Variants in STK31 observed in about 807,000 individuals in gnomAD.
The protein encoded by STK31 is serine/threonine-protein kinase 31.
In STK31, 89 loss-of-function variants were observed where a neutral mutation model predicts 129.7. That is an observed-to-expected ratio of 0.69 (90% confidence interval 0.58 to 0.82). The LOEUF is 0.82. STK31 is among the 40% of genes least tolerant of loss of function. The pLI, the probability that STK31 is intolerant of heterozygous loss-of-function variation, is 0.00. For missense variants in STK31, 1,187 were observed against 1,176.4 expected (o/e 1.01, Z -0.13); for synonymous variants, 448 against 395.3 (o/e 1.13, Z -1.58).
At chr7:23,781,919 T>A (rs1790953677) in intron 16 of STK31, among the ~76,000 whole-genome samples, 1 of 152,176 alleles carries the variant, frequency 6.6e-6, no homozygotes, top group Non-Finnish European at 1.5e-5. Context: ...ACCTTTTCCT[T>A]ACATCAACGT....
At chr7:23,741,985 A>T (rs1414449791) in intron 8 of STK31, among the ~76,000 whole-genome samples, 1 of 152,236 alleles carries the variant, frequency 6.6e-6, no homozygotes, top group African/African-American at 2.4e-5. Context: ...CTGGGGCACC[A>T]CCCTGGTGAA....
intron 8 of STK31, among the ~76,000 whole-genome samples, chr7:23,740,187 C>T (rs1191631636): frequency 1.3e-5 from 2 of 152,110 alleles, no homozygotes; most frequent in Non-Finnish European, 2.9e-5. Flanking sequence ...AGCAATCCTT[C>T]CTCTTTTGGC....
At chr7:23,786,024 T>G (rs1027772657) in intron 18 of STK31, among the ~76,000 whole-genome samples, 1 of 152,034 alleles carries the variant, frequency 6.6e-6, no homozygotes, top group Admixed American at 6.6e-5. Context: ...AGTCATTAAA[T>G]AAAGCTTTGT....
intron 8 of STK31, among the ~76,000 whole-genome samples, chr7:23,738,521 C>T (rs926922370): frequency 6.6e-5 from 10 of 152,126 alleles, no homozygotes; most frequent in South Asian, 2.1e-4. Context: ...CTGCCTAGCT[C>T]GGACTATAGG....
Position 23,832,216 on chromosome 7 carries a change from A to C in STK31, c.2910A>C (p.Glu970Asp). The change falls in exon 24 of 24, where the codon GAA (glutamate) becomes GAC (aspartate). Residue 970 changes from glutamate to aspartate, a missense_variant. Around this residue, in one of 5 missense-constraint regions of STK31, gnomAD observed 975 missense variants for 934.9 expected, o/e 1.04. Transcript: ENST00000355870. The stretch of plus-strand genomic sequence containing the variant: ...CTGCTGAACAAGTTTTAAATGCTGA[A>C]TGTTTCTTGATGCCAAAGGAGCAAT... Reference protein sequence around the residue: ...SMTAEQVLNAECFLMPKEQSV... With the variant: ...SMTAEQVLNADCFLMPKEQSV... 1 of 1,614,126 alleles carries C rather than the reference A, an allele frequency of 6.2e-7. No homozygotes were observed. The highest frequency in any genetic ancestry group is 8.5e-7 in the Non-Finnish European group (1 of 1,180,008).
chr7:23,738,736 A>G (rs929699938), intron 8 of STK31, among the ~76,000 whole-genome samples: 1 of 151,996 alleles, frequency 6.6e-6, no homozygotes, highest in Non-Finnish European at 1.5e-5. Flanking sequence ...TTGTATTTTT[A>G]GTAGAGACGG....
intron 21 of STK31, 26 bp downstream of exon 21, chr7:23,788,155 G>C (rs376772220): frequency 1.3e-6 from 2 of 1,575,966 alleles, no homozygotes; most frequent in Non-Finnish European, 1.7e-6. Context: ...TTTACAAATA[G>C]GTTCTAGACT....
At chr7:23,802,365 C>T (rs969729465) in intron 22 of STK31, among the ~76,000 whole-genome samples, 15 of 152,244 alleles carry the variant, frequency 9.9e-5, no homozygotes, top group Admixed American at 5.9e-4. Context: ...CCAGATGGTT[C>T]GTAATTGGGG....
intron 3 of STK31, among the ~76,000 whole-genome samples, chr7:23,712,837 G>C (rs915877517): frequency 6.6e-6 from 1 of 152,066 alleles, no homozygotes; most frequent in African/African-American, 2.4e-5. Flanking sequence ...AATTTAAGAA[G>C]GTAAATTCCT....
At chr7:23,797,462 C>A (rs931953181) in intron 22 of STK31, among the ~76,000 whole-genome samples, 1 of 152,164 alleles carries the variant, frequency 6.6e-6, no homozygotes, top group Non-Finnish European at 1.5e-5. Flanking sequence ...GAAACTAACT[C>A]AAAACTGCAC....
intron 11 of STK31, among the ~76,000 whole-genome samples, chr7:23,766,602 C>A (rs1406145729): frequency 6.6e-6 from 1 of 152,100 alleles, no homozygotes; most frequent in African/African-American, 2.4e-5. Context: ...CTTCTGTGAT[C>A]TTTTTTCCCT....
At position 23,791,040 on chromosome 7, in the gene STK31, C is replaced by T. The variant is rs537564291; in HGVS notation, c.2760+94C>T. Reference sequence around the variant, plus strand: ...AGTGATTCTCCTTAAAAATAAAAAGCAGCAGACTTTTAGTAGAACTTTAAG... The same window carrying T: ...AGTGATTCTCCTTAAAAATAAAAAGTAGCAGACTTTTAGTAGAACTTTAAG... On this transcript the variant is annotated intron_variant, in intron 22 of 23. Transcript: ENST00000355870. The T allele has an allele frequency of 5.3e-6, 6 of 1,142,712 alleles. No individual in the cohort carries two copies. In the East Asian group the frequency reaches 1.6e-4, roughly 30 times the overall value. 70.8% of individuals were successfully genotyped at this position (1,142,712 alleles called of 1,614,324 possible).
intron 22 of STK31, among the ~76,000 whole-genome samples, chr7:23,807,022 C>G (rs975509174): frequency 6.6e-6 from 1 of 151,942 alleles, no homozygotes; most frequent in Non-Finnish European, 1.5e-5. Context: ...GAGAGCCAAT[C>G]AAGAACCTTA....
chr7:23,788,332 G>A (rs998336193), intron 21 of STK31, among the ~76,000 whole-genome samples: 2 of 151,984 alleles, frequency 1.3e-5, no homozygotes, highest in Non-Finnish European at 2.9e-5. Flanking sequence ...TAAGTCTTAG[G>A]AGCTACCTGA....
chr7:23,735,872 C>G lies in STK31; in HGVS notation c.818C>G (p.Ala273Gly). 6.3e-7 allele frequency: 1 copy of G among 1,587,558 alleles called. No homozygotes were observed. The highest frequency in any genetic ancestry group is 8.6e-7 in the Non-Finnish European group (1 of 1,166,706). Reference sequence around the variant, plus strand: ...CTTGACTTGAAGGATGAAAATGATGCAGGCAATCTTATAACATTTCCAAAG... The same window carrying G: ...CTTGACTTGAAGGATGAAAATGATGGAGGCAATCTTATAACATTTCCAAAG... ...MTLDLKDEND[A>G]GNLITFPKES... is the part of the protein sequence containing the mutation. Residue 273 changes from alanine to glycine, a missense_variant, in exon 7 of 24, where the codon GCA (alanine) becomes GGA (glycine). Ala to Gly is a moderately conservative substitution (Grantham distance 60, BLOSUM62 0). This residue lies in a region of STK31 where 975 missense variants were observed against 934.9 expected (regional missense o/e 1.04). Coordinates refer to ENST00000355870, the MANE Select transcript of STK31 (RefSeq NM_031414.5).
intron 22 of STK31, among the ~76,000 whole-genome samples, chr7:23,802,992 C>T (rs556826843): frequency 3.9e-5 from 6 of 152,210 alleles, no homozygotes; most frequent in East Asian, 1.9e-4. Context: ...CTTTTATCAA[C>T]GTTTTGTTAT....
intron 22 of STK31, chr7:23,811,431 GA>G (rs1255179943): frequency 3.0e-6 from 1 of 335,998 alleles, no homozygotes; most frequent in East Asian, 8.6e-5. Context: ...TGCTGCAAGT[GA>G]TGGTTCATGA....
intron 9 of STK31, among the ~76,000 whole-genome samples, chr7:23,754,056 ATTT>A (rs1298365960): frequency 6.6e-6 from 1 of 152,014 alleles, no homozygotes; most frequent in South Asian, 2.1e-4. Context: ...ATTTTTTCAT[ATTT>A]TTTATGTCAT....
intron 21 of STK31, 101 bp from the exon 22 acceptor site, chr7:23,790,723 T>G (rs1791564089): frequency 6.1e-6 from 7 of 1,149,528 alleles, no homozygotes; most frequent in Non-Finnish European, 7.0e-6. Context: ...ATGAAATATT[T>G]AAAATGAATT....
Sources: allele counts gnomAD v4.1 joint callset (sites outside exome capture counted in the v4.1 genomes callset), GRCh38; gene constraint gnomAD v4.1.1; regional missense constraint gnomAD v4.1.1; transcripts MANE v1.5; gene names NCBI Gene and HGNC (gene_info 2026-07-23, HGNC 2026-07-21).